Variants in CTNND2 observed in about 807,000 individuals in gnomAD.
CTNND2 encodes catenin delta 2, also known as catenin delta-2.
In CTNND2, 22 loss-of-function variants were observed where a neutral mutation model predicts 144.4. The ratio of observed to expected loss-of-function variants is 0.15; its 90% CI spans 0.11 to 0.22. The LOEUF (loss-of-function observed/expected upper bound fraction) is 0.22, where lower values mean the gene tolerates loss of function less well. CTNND2 is among the 10% of genes least tolerant of loss of function. The pLI, the probability that CTNND2 is intolerant of heterozygous loss-of-function variation, is 1.00. For missense variants in CTNND2, 1,353 were observed against 1,618.8 expected, an observed-to-expected ratio of 0.84 and a Z score of 2.82; for synonymous variants, 751 against 695.6, an observed-to-expected ratio of 1.08 and a Z score of -1.25.
intron 6 of CTNND2, among the ~76,000 whole-genome samples, chr5:11,387,763 C>T (rs1489888088): frequency 6.6e-6 from 1 of 152,136 alleles, no homozygotes; most frequent in Non-Finnish European, 1.5e-5. Context: ...TTAGAGTACA[C>T]TAACGATGCC....
intron 11 of CTNND2, among the ~76,000 whole-genome samples, chr5:11,198,425 T>C (rs1298651445): frequency 1.3e-5 from 2 of 152,206 alleles, no homozygotes; most frequent in Non-Finnish European, 2.9e-5. Context: ...TAAGAAAATA[T>C]ACGAAAGTTG....
intron 3 of CTNND2, among the ~76,000 whole-genome samples, chr5:11,416,518 C>G (rs1761950118): frequency 6.6e-6 from 1 of 152,180 alleles, no homozygotes; most frequent in Non-Finnish European, 1.5e-5. Flanking sequence ...ACACTTTAAT[C>G]TCTTAGCTAG....
chr5:11,744,773 G>A (rs1170806572), intron 1 of CTNND2, among the ~76,000 whole-genome samples: 3 of 151,916 alleles, frequency 2.0e-5, no homozygotes, highest in Non-Finnish European at 2.9e-5. Context: ...TTGAGACAGA[G>A]TCTCACTTTG....
At chr5:11,482,691 T>G (rs1768397855) in intron 3 of CTNND2, among the ~76,000 whole-genome samples, 1 of 151,900 alleles carries the variant, frequency 6.6e-6, no homozygotes, top group South Asian at 2.1e-4. Context: ...TAAAACACTG[T>G]CTCCCTGAGA....
At chr5:11,343,546 C>G (rs751392403) in intron 9 of CTNND2, among the ~76,000 whole-genome samples, 52 of 152,200 alleles carry the variant, frequency 3.4e-4, no homozygotes, top group Non-Finnish European at 6.2e-4. Flanking sequence ...TATACTCTTT[C>G]TTTTTCCTTT....
rs1252675758 is a variant in CTNND2 at position 11,582,916 on chromosome 5, A to G, written c.175-17860T>C. Among the ~76,000 whole-genome samples the G allele has an allele frequency of 2.6e-5, 4 of 152,180 alleles. No individual in the cohort carries two copies. The East Asian group carries it at 7.7e-4, about 29-fold the overall frequency. On this transcript the variant is annotated intron_variant, in intron 2 of 21. Transcript: ENST00000304623. ...CCACCAATCTCATATTATTTCCTCT[A>G]CACTACAATGAAGGGGCCTATTTCA... is the stretch of plus-strand genomic sequence containing the variant.
chr5:11,503,649 C>T (rs765952060), intron 3 of CTNND2, among the ~76,000 whole-genome samples: 7 of 152,144 alleles, frequency 4.6e-5, no homozygotes, highest in African/African-American at 9.7e-5. Flanking sequence ...TTAGTCATGA[C>T]GGTGCAAACA....
chr5:11,346,589 G>T lies in CTNND2; in HGVS notation c.1411C>A (p.Arg471Ser). 6 of 1,576,780 alleles carry T rather than the reference G, an allele frequency of 3.8e-6. No homozygotes were observed. The highest frequency in any genetic ancestry group is 5.2e-6 in the Non-Finnish European group (6 of 1,160,748). Residue 471 changes from arginine (R) to serine (S), a missense_variant, in exon 9 of 22, where the codon CGC becomes AGC. Around this residue, in one of 4 missense-constraint regions of CTNND2, gnomAD observed 708 missense variants for 706.4 expected, o/e 1.00. Transcript: ENST00000304623. Reference protein sequence around the residue: ...SPGVDSVPLQRTGSQHGPQNA... With the variant: ...SPGVDSVPLQSTGSQHGPQNA... ...TGTGGGCCGTGCTGGCTGCCTGTGC[G>T]CTGCAAGGGGACGGAGTCGACACCA...
chr5:10,978,671 T>C (rs1287151853), intron 21 of CTNND2, among the ~76,000 whole-genome samples: 1 of 152,230 alleles, frequency 6.6e-6, no homozygotes, highest in African/African-American at 2.4e-5. Flanking sequence ...GCCTCGGTCC[T>C]GACGAGAGAT....
intron 15 of CTNND2, among the ~76,000 whole-genome samples, chr5:11,091,159 G>T (rs1750730579): frequency 6.6e-6 from 1 of 152,058 alleles, no homozygotes; most frequent in African/African-American, 2.4e-5. Context: ...TATAGCGGGT[G>T]CCACTTGACA....
At chr5:11,425,038 C>T (rs942214884) in intron 3 of CTNND2, among the ~76,000 whole-genome samples, 9 of 152,192 alleles carry the variant, frequency 5.9e-5, no homozygotes, top group African/African-American at 2.2e-4. Context: ...AATTGTGCTG[C>T]TACTGAAGGA....
At chr5:11,867,986 T>A (rs1025760161) in intron 1 of CTNND2, among the ~76,000 whole-genome samples, 2 of 151,778 alleles carry the variant, frequency 1.3e-5, no homozygotes, top group African/African-American at 4.8e-5. Flanking sequence ...TTCACCTCAG[T>A]GCTCTTTTGT....
At chr5:11,626,883 T>C (rs1561634254) in intron 2 of CTNND2, among the ~76,000 whole-genome samples, 1 of 152,222 alleles carries the variant, frequency 6.6e-6, no homozygotes, top group African/African-American at 2.4e-5. Context: ...TTCTAAGTTT[T>C]AAAAATTGTG....
At chr5:11,121,387 G>T (rs1274733599) in intron 12 of CTNND2, among the ~76,000 whole-genome samples, 2 of 152,100 alleles carry the variant, frequency 1.3e-5, no homozygotes, top group African/African-American at 4.8e-5. Context: ...AAATGGGTAT[G>T]GAAAAATTCT....
intron 9 of CTNND2, among the ~76,000 whole-genome samples, chr5:11,276,014 T>G (rs1746486449): frequency 6.6e-6 from 1 of 152,216 alleles, no homozygotes; most frequent in African/African-American, 2.4e-5. Flanking sequence ...ACAACCTTAT[T>G]TCTTTATATA....
chr5:11,523,845 T>G (rs1298726728), intron 3 of CTNND2, among the ~76,000 whole-genome samples: 1 of 152,162 alleles, frequency 6.6e-6, no homozygotes, highest in Non-Finnish European at 1.5e-5. Flanking sequence ...CTTACAACAA[T>G]GAGCCCATGT....
intron 1 of CTNND2, among the ~76,000 whole-genome samples, chr5:11,861,122 C>T (rs1406646826): frequency 6.6e-6 from 1 of 152,120 alleles, no homozygotes; most frequent in Admixed American, 6.5e-5. Context: ...CCATTTTTTA[C>T]GTCTGTACTG....
chr5:11,841,103 A>G (rs1794445969), intron 1 of CTNND2, among the ~76,000 whole-genome samples: 1 of 152,170 alleles, frequency 6.6e-6, no homozygotes, highest in Admixed American at 6.5e-5. Context: ...ATTTTATATA[A>G]ATGATTCAAG....
intron 3 of CTNND2, among the ~76,000 whole-genome samples, chr5:11,516,403 A>C (rs1290696332): frequency 3.3e-5 from 5 of 151,938 alleles, no homozygotes; most frequent in Non-Finnish European, 7.4e-5. Flanking sequence ...AAGTAAGACA[A>C]CCTCCATTTG....
Sources: allele counts gnomAD v4.1 joint callset (sites outside exome capture counted in the v4.1 genomes callset), GRCh38; gene constraint gnomAD v4.1.1; regional missense constraint gnomAD v4.1.1; transcripts MANE v1.5; gene names NCBI Gene and HGNC (gene_info 2026-07-23, HGNC 2026-07-21).